TMBIM6: variants seen among roughly 807,000 people sequenced by gnomAD.
TMBIM6 encodes transmembrane BAX inhibitor motif containing 6, also known as bax inhibitor 1.
In TMBIM6, 13 loss-of-function variants were observed where a neutral mutation model predicts 31.4. That is an observed-to-expected ratio of 0.41 (90% CI 0.27 to 0.66). The LOEUF (loss-of-function observed/expected upper bound fraction) is 0.66. Ranked by LOEUF, TMBIM6 falls within the 30% of genes least tolerant of loss-of-function variation. TMBIM6 has a pLI of 0.28. For missense variants in TMBIM6, 275 were observed against 289.5 expected (o/e 0.95, Z 0.36); for synonymous variants, 85 against 101.7 (o/e 0.84, Z 0.99).
At chr12:49,757,533 C>T (rs975095616) in intron 4 of TMBIM6, among the ~76,000 whole-genome samples, 3 of 152,190 alleles carry the variant, frequency 2.0e-5, no homozygotes, top group African/African-American at 7.2e-5. Context: ...GGAAACAAGA[C>T]TCAAGCTATG....
At chr12:49,742,429 T>G (rs1232620864) in intron 1 of TMBIM6, 1 of 1,150,758 alleles carries the variant, frequency 8.7e-7, no homozygotes, top group African/African-American at 1.6e-5. Flanking sequence ...GTATATTTAC[T>G]GAGTGTAGAA....
chr12:49,757,177 G>C (rs1453615763), intron 4 of TMBIM6, among the ~76,000 whole-genome samples: 5 of 152,158 alleles, frequency 3.3e-5, no homozygotes, highest in African/African-American at 7.2e-5. Flanking sequence ...TTCCTGGCCT[G>C]CTTTCTAATC....
intron 1 of TMBIM6, among the ~76,000 whole-genome samples, chr12:49,748,570 T>C (rs1454586323): frequency 1.3e-5 from 2 of 152,222 alleles, no homozygotes; most frequent in Non-Finnish European, 2.9e-5. Flanking sequence ...GTGCATGACA[T>C]GTTGACAGCT....
chr12:49,753,990 A>G (rs1029282399), intron 3 of TMBIM6, among the ~76,000 whole-genome samples: 1 of 151,164 alleles, frequency 6.6e-6, no homozygotes, highest in Non-Finnish European at 1.5e-5. Context: ...AGACAGTCAC[A>G]GAGTGGTGAA....
intron 4 of TMBIM6, among the ~76,000 whole-genome samples, chr12:49,757,400 T>A (rs1304236512): frequency 3.9e-5 from 6 of 152,222 alleles, no homozygotes; most frequent in African/African-American, 1.4e-4. Context: ...GCAATTATCA[T>A]AGGAGCTTCT....
intron 1 of TMBIM6, among the ~76,000 whole-genome samples, chr12:49,746,084 T>C (rs1743216532): frequency 6.6e-6 from 1 of 151,750 alleles, no homozygotes; most frequent in African/African-American, 2.4e-5. Flanking sequence ...TTCTCTCTTT[T>C]TTTTTTTTTC....
chr12:49,756,440 CTTTTTTTTTTTT>C (rs1194535783), intron 4 of TMBIM6, among the ~76,000 whole-genome samples: 26 of 105,826 alleles, frequency 2.5e-4, no homozygotes, highest in African/African-American at 1.0e-3. Flanking sequence ...TGCCTCCTGG[CTTTTTTTTTTTT>C]TTTTTTTTTT....
chr12:49,756,293 G>A (rs1465776504), intron 4 of TMBIM6, among the ~76,000 whole-genome samples: 11 of 149,798 alleles, frequency 7.3e-5, no homozygotes, highest in African/African-American at 2.7e-4. Context: ...GTGCCACCAT[G>A]CCCGGCTAAT....
chr12:49,742,067 C>T, intron 1 of TMBIM6: 1 of 1,561,770 alleles, frequency 6.4e-7, no homozygotes, highest in South Asian at 1.2e-5. Context: ...GCGGGCGGGT[C>T]CTTTGGTCGG....
intron 1 of TMBIM6, chr12:49,742,369 C>G: frequency 2.7e-6 from 4 of 1,463,890 alleles, no homozygotes; most frequent in Non-Finnish European, 3.6e-6. Flanking sequence ...CAGTTTTTAT[C>G]TTGGGCCTAC....
At chr12:49,755,883 G>C in intron 4 of TMBIM6, 128 bp downstream of exon 4, 7 of 1,084,302 alleles carry the variant, frequency 6.5e-6, no homozygotes, top group Non-Finnish European at 9.0e-6. Context: ...GCCCAGGCCA[G>C]AGTGCAGTGG....
chr12:49,748,243 G>A (rs1185284557), intron 1 of TMBIM6, among the ~76,000 whole-genome samples: 3 of 151,834 alleles, frequency 2.0e-5, no homozygotes, highest in African/African-American at 7.3e-5. Flanking sequence ...TTAATTTAAG[G>A]CTGGACCCTT....
Position 49,758,368 on chromosome 12 carries a change from C to CT in TMBIM6, c.336-8dup. 1.2e-6 allele frequency: 2 copies of CT among 1,614,010 alleles called. No homozygotes were observed. The highest frequency in any genetic ancestry group is 1.7e-6 in the Non-Finnish European group (2 of 1,179,920). On this transcript the variant is annotated splice_polypyrimidine_tract_variant and intron_variant, in intron 5 of 9. Coordinates refer to ENST00000267115, the MANE Select transcript of TMBIM6 (RefSeq NM_003217.3). ...TACCTGTAGCCCTTAATCTAATGGT[C>CT]TTTTTTTCTAACAGCATCCTTCCCA...
At chr12:49,755,875 C>G in intron 4 of TMBIM6, 120 bp downstream of exon 4, 1 of 1,214,398 alleles carries the variant, frequency 8.2e-7, no homozygotes, top group South Asian at 1.5e-5. Context: ...GCTCTGTTGC[C>G]CAGGCCAGAG....
chr12:49,763,332 T>C lies in TMBIM6; in HGVS notation c.*436T>C. ...AGTTCCTGTGGGACTGGGCCGTGAGTTTTCCATTGGAAAGAAGTTCAGTGG... is the reference window on the plus strand; with the variant it reads ...AGTTCCTGTGGGACTGGGCCGTGAGCTTTCCATTGGAAAGAAGTTCAGTGG... On this transcript the variant is annotated 3_prime_UTR_variant, in exon 10 of 10. Transcript: ENST00000267115. 6.4e-6 allele frequency: 1 copy of C among 155,614 alleles called. No homozygotes were observed. Among genetic ancestry groups the C allele is most frequent in the Non-Finnish European group, 1.4e-5 (1 of 70,082 alleles). 9.6% of individuals were successfully genotyped at this position (155,614 alleles called of 1,614,324 possible).
chr12:49,749,435 A>ATTTTTT (rs372622355), intron 1 of TMBIM6, among the ~76,000 whole-genome samples: 11 of 136,384 alleles, frequency 8.1e-5, no homozygotes, highest in African/African-American at 1.9e-4. Context: ...TTTGTAAGTC[A>ATTTTTT]TTTTTGTTTT....
chr12:49,753,626 C>G (rs1945536494), intron 3 of TMBIM6, among the ~76,000 whole-genome samples: 1 of 152,186 alleles, frequency 6.6e-6, no homozygotes, highest in Non-Finnish European at 1.5e-5. Context: ...TGAAGACTCC[C>G]TAACATAGTC....
intron 8 of TMBIM6, 104 bp downstream of exon 8, chr12:49,759,425 G>A (rs1945670677): frequency 2.2e-6 from 2 of 905,332 alleles, no homozygotes; most frequent in Non-Finnish European, 3.6e-6. Flanking sequence ...CAAGCTTTGG[G>A]AGTGTATGTG....
At chr12:49,747,078 TCCAC>T (rs1314664411) in intron 1 of TMBIM6, among the ~76,000 whole-genome samples, 2 of 152,054 alleles carry the variant, frequency 1.3e-5, no homozygotes, top group African/African-American at 2.4e-5. Context: ...CCTCAGGTGA[TCCAC>T]CCACTTAGGC....
Sources: allele counts gnomAD v4.1 joint callset (sites outside exome capture counted in the v4.1 genomes callset), GRCh38; gene constraint gnomAD v4.1.1; transcripts MANE v1.5; gene names NCBI Gene and HGNC (gene_info 2026-07-23, HGNC 2026-07-21).